Variants in MEI1 observed in about 807,000 individuals in gnomAD.
The protein encoded by MEI1 is meiotic double-stranded break formation protein 1.
Under a neutral mutation model 146.2 loss-of-function variants are expected in MEI1, and 103 were observed. The observed-to-expected ratio is 0.70, with a 90% CI of 0.60 to 0.83. The LOEUF is 0.83. Ranked by LOEUF, MEI1 falls within the 40% of genes least tolerant of loss-of-function variation. The pLI is 0.00. For missense variants in MEI1, 1,529 were observed against 1,533.0 expected (o/e 1.00, Z 0.04); for synonymous variants, 652 against 628.2 (o/e 1.04, Z -0.57).
At chr22:41,775,236 G>A (rs1457444629) in intron 20 of MEI1, among the ~76,000 whole-genome samples, 2 of 152,110 alleles carry the variant, frequency 1.3e-5, no homozygotes, top group African/African-American at 4.8e-5. Flanking sequence ...TTATAGCTTG[G>A]GGCAGAGATA....
intron 20 of MEI1, among the ~76,000 whole-genome samples, chr22:41,771,609 A>C (rs201052820): frequency 2.2e-5 from 1 of 44,920 alleles, no homozygotes; most frequent in East Asian, 1.5e-3. Flanking sequence ...CTAATTTTTT[A>C]CTTTTTTTTT....
At chr22:41,777,916 TTTCTTC>T (rs536558002) in intron 21 of MEI1, among the ~76,000 whole-genome samples, 11 of 151,494 alleles carry the variant, frequency 7.3e-5, no homozygotes, top group Non-Finnish European at 1.3e-4. Context: ...CATCTTCTTC[TTTCTTC>T]TTCTTCTTTT....
intron 3 of MEI1, 90 bp downstream of exon 3, chr22:41,705,644 T>G (rs184695261): frequency 9.0e-7 from 1 of 1,106,684 alleles, no homozygotes; most frequent in African/African-American, 1.5e-5. Flanking sequence ...CGAAATTGTC[T>G]GTTTAGACAC....
chr22:41,712,585 T>C (rs973612498), intron 3 of MEI1, among the ~76,000 whole-genome samples: 4 of 151,826 alleles, frequency 2.6e-5, no homozygotes, highest in Non-Finnish European at 5.9e-5. Context: ...TGGAGAACTT[T>C]AGAAATACAC....
At position 41,750,079 on chromosome 22, in the gene MEI1, G is replaced by T. The variant is rs563486133; in HGVS notation, c.1792+1861G>T. ...ATTCAACAAATATTGGGCACCTACT[G>T]CATGCAAGATATAGGCTAGGGCTGG... On this transcript the variant is annotated intron_variant, in intron 15 of 30. Coordinates refer to ENST00000401548, the MANE Select transcript of MEI1 (RefSeq NM_152513.4). Among the ~76,000 whole-genome samples, 249 of 152,322 alleles carry T rather than the reference G, an allele frequency of 1.6e-3. 2 individuals are homozygous for T. Among genetic ancestry groups the T allele is most frequent in the Non-Finnish European group, 2.4e-4 (16 of 68,036 alleles).
intron 24 of MEI1, among the ~76,000 whole-genome samples, chr22:41,782,428 A>G (rs1024623002): frequency 1.3e-5 from 2 of 152,192 alleles, no homozygotes; most frequent in Admixed American, 6.5e-5. Context: ...AAGGTGATGC[A>G]GGGAAGAGGA....
intron 1 of MEI1, among the ~76,000 whole-genome samples, 178 bp from the exon 2 acceptor site, chr22:41,703,153 A>T (rs1360809008): frequency 6.6e-6 from 1 of 152,264 alleles, no homozygotes; most frequent in Middle Eastern, 3.2e-3. Context: ...GTATGAATAC[A>T]TGGATTCCTC....
intron 6 of MEI1, among the ~76,000 whole-genome samples, chr22:41,720,617 A>G: frequency 2.5e-5 from 2 of 79,004 alleles, no homozygotes; most frequent in Admixed American, 1.1e-4. Context: ...TTTTTTTTTG[A>G]CGGAGTCTGG....
intron 15 of MEI1, among the ~76,000 whole-genome samples, chr22:41,751,712 C>T (rs1196694693): frequency 1.4e-5 from 2 of 145,528 alleles, no homozygotes; most frequent in African/African-American, 5.2e-5. Context: ...GCGGAGGTTA[C>T]AGTGAGCCAA....
intron 7 of MEI1, 124 bp from the exon 8 acceptor site, chr22:41,729,541 C>T (rs2071671790): frequency 2.9e-6 from 2 of 685,120 alleles, no homozygotes; most frequent in East Asian, 5.5e-5. Flanking sequence ...ATCCTTGTGC[C>T]TGGTGCCATG....
At chr22:41,720,951 T>C (rs2070726811) in intron 6 of MEI1, among the ~76,000 whole-genome samples, 1 of 151,782 alleles carries the variant, frequency 6.6e-6, no homozygotes. Flanking sequence ...TTTTGAATTT[T>C]TTTTTTTTAA....
chr22:41,755,526 C>T (rs1164901209), intron 17 of MEI1, among the ~76,000 whole-genome samples: 1 of 152,186 alleles, frequency 6.6e-6, no homozygotes, highest in African/African-American at 2.4e-5. Flanking sequence ...TAGCCTAAGA[C>T]TATTGGCAGT....
At chr22:41,744,916 G>A (rs913868170) in intron 12 of MEI1, 57 bp from the exon 13 acceptor site, 1 of 1,101,366 alleles carries the variant, frequency 9.1e-7, no homozygotes, top group Admixed American at 2.8e-5. Flanking sequence ...TCCAAGCATA[G>A]ACTGAGACAC....
At chr22:41,792,111 T>TC in intron 26 of MEI1, among the ~76,000 whole-genome samples, 1 of 152,334 alleles carries the variant, frequency 6.6e-6, no homozygotes, top group East Asian at 1.9e-4. Context: ...AATTATATCC[T>TC]TTAAAGGATG....
At chr22:41,724,635 A>G (rs2071156249) in intron 7 of MEI1, among the ~76,000 whole-genome samples, 1 of 149,376 alleles carries the variant, frequency 6.7e-6, no homozygotes, top group Non-Finnish European at 1.5e-5. Context: ...AAAAAAAAAA[A>G]TTAGCTGGGC....
chr22:41,780,594 T>C (rs1195629984), intron 22 of MEI1, among the ~76,000 whole-genome samples: 1 of 150,718 alleles, frequency 6.6e-6, no homozygotes, highest in Non-Finnish European at 1.5e-5. Flanking sequence ...TTTTTTTTTT[T>C]TTTTGAGACA....
chr22:41,712,184 A>G (rs185552383), intron 3 of MEI1, among the ~76,000 whole-genome samples: 1,204 of 68,520 alleles, frequency 0.018, 25 homozygotes, highest in African/African-American at 0.078. Flanking sequence ...AGCCTGGGCA[A>G]CAAGAGTAAA....
chr22:41,763,459 A>G, intron 19 of MEI1, 138 bp downstream of exon 19: 3 of 896,962 alleles, frequency 3.3e-6, no homozygotes, highest in Non-Finnish European at 5.1e-6. Context: ...GAGTGTGGAG[A>G]GGAGTAGGAT....
chr22:41,709,318 T>C, intron 3 of MEI1: 1 of 785,182 alleles, frequency 1.3e-6, no homozygotes, highest in Non-Finnish European at 2.3e-6. Flanking sequence ...CATCCACTTT[T>C]CCCTTTTTCC....
Sources: allele counts gnomAD v4.1 joint callset (sites outside exome capture counted in the v4.1 genomes callset), GRCh38; gene constraint gnomAD v4.1.1; transcripts MANE v1.5; gene names NCBI Gene and HGNC (gene_info 2026-07-23, HGNC 2026-07-21).